SLC25A48: variants seen among roughly 807,000 people sequenced by gnomAD.
The protein encoded by SLC25A48 is CTC-321K16.1.
A neutral mutation model predicts 32.2 loss-of-function variants in SLC25A48; 29 were observed. The observed-to-expected ratio is 0.90, with a 90% CI of 0.67 to 1.23. The LOEUF is 1.23. Ranked by LOEUF, SLC25A48 falls within the 50% of genes most tolerant of loss-of-function variation. The probability of loss-of-function intolerance (pLI) is 0.00; values close to 1 mark genes in which losing one functional copy is unlikely to be tolerated. For missense variants in SLC25A48, 399 were observed against 422.7 expected (o/e 0.94, Z 0.49); for synonymous variants, 164 against 172.3 (o/e 0.95, Z 0.38).
At chr5:135,874,703 G>T (rs1157534516) in intron 6 of SLC25A48, 3 of 702,398 alleles carry the variant, frequency 4.3e-6, no homozygotes, top group Non-Finnish European at 7.8e-6. Flanking sequence ...TGTCTCCTCT[G>T]TTCTTCCTAC....
chr5:135,797,207 C>T (rs1203419692), intron 3 of SLC25A48, among the ~76,000 whole-genome samples: 2 of 151,804 alleles, frequency 1.3e-5, no homozygotes, highest in Non-Finnish European at 2.9e-5. Context: ...GGGTGTACAC[C>T]CCCATGTGAT....
Position 135,746,816 on chromosome 5 carries a change from A to T in SLC25A48, c.-520-65707A>T, listed in dbSNP as rs1755652213. On this transcript the variant is annotated intron_variant, in intron 3 of 10. Coordinates refer to the SLC25A48 transcript ENST00000646290. Reference sequence around the variant, plus strand: ...CTAGATTCACTCATTGCCTGGAGTTACGTCTCTTTGGTCTCCTTTAATTCA... The same window carrying T: ...CTAGATTCACTCATTGCCTGGAGTTTCGTCTCTTTGGTCTCCTTTAATTCA... 2.6e-5 allele frequency among the ~76,000 whole-genome samples: 4 copies of T among 152,262 alleles called. No homozygotes were observed. The South Asian group carries it at 8.3e-4, about 32-fold the overall frequency.
chr5:135,852,449 C>A, intron 3 of SLC25A48, 114 bp from the exon 4 acceptor site: 6 of 1,315,634 alleles, frequency 4.6e-6, no homozygotes, highest in Non-Finnish European at 6.3e-6. Context: ...ACCCTCTTCC[C>A]CTCTCTTCAT....
In SLC25A48 at chr5:135,852,918, G is replaced by A; in HGVS notation, c.421+97G>A. Reference sequence around the variant, plus strand: ...ATGGTTGTTAAAATCCTTTTATTGAGCAAGGCATCTACCTTGTCACCTAGT... The same window carrying A: ...ATGGTTGTTAAAATCCTTTTATTGAACAAGGCATCTACCTTGTCACCTAGT... On this transcript the variant is annotated intron_variant, in intron 4 of 7. Transcript: ENST00000681962. 2.1e-6 allele frequency: 3 copies of A among 1,454,738 alleles called. No individual in the cohort carries two copies. The Admixed American group carries it at 7.4e-5, about 36-fold the overall frequency. 90.1% of individuals were successfully genotyped at this position (1,454,738 alleles called of 1,614,324 possible).
At chr5:135,813,351 TC>T (rs1265420205) in intron 4 of SLC25A48, among the ~76,000 whole-genome samples, 4 of 152,094 alleles carry the variant, frequency 2.6e-5, no homozygotes, top group African/African-American at 7.2e-5. Context: ...GCGGTAGTTG[TC>T]CACAGTCAGA....
intron 3 of SLC25A48, among the ~76,000 whole-genome samples, chr5:135,681,229 C>G (rs963259639): frequency 6.6e-6 from 1 of 152,226 alleles, no homozygotes; most frequent in African/African-American, 2.4e-5. Context: ...CCACCTCGGC[C>G]TCCCAAAGTG....
At chr5:135,682,321 G>T (rs574604302) in intron 3 of SLC25A48, among the ~76,000 whole-genome samples, 1 of 152,184 alleles carries the variant, frequency 6.6e-6, no homozygotes, top group Admixed American at 6.5e-5. Context: ...TGTTGCTTAG[G>T]GTAGGAGGGT....
intron 3 of SLC25A48, among the ~76,000 whole-genome samples, chr5:135,755,013 T>C (rs923891247): frequency 6.6e-6 from 1 of 152,254 alleles, no homozygotes; most frequent in East Asian, 1.9e-4. Flanking sequence ...GAAATATTGC[T>C]CTGATATTGA....
chr5:135,648,874 G>A (rs1175454638), intron 3 of SLC25A48: 1 of 152,304 alleles, frequency 6.6e-6, no homozygotes, highest in Non-Finnish European at 1.5e-5. Context: ...GGCAGGAGAA[G>A]ACAAGGCACT....
chr5:135,665,765 G>GAA lies in SLC25A48; in HGVS notation c.-521+30819_-521+30820dup, dbSNP rs10648621. Among the ~76,000 whole-genome samples the GAA allele has an allele frequency of 6.3e-3, 935 of 148,074 alleles. 4 individuals carry two copies. Among genetic ancestry groups the GAA allele is most frequent in the Middle Eastern group, 0.017 (5 of 286 alleles). ...CTTAAACACTCTTGTTATTCTTTTT[G>GAA]AAAAAAAAAAATCAGATTCATCCTT... On this transcript the variant is annotated intron_variant, in intron 3 of 10. Coordinates refer to the SLC25A48 transcript ENST00000646290.
intron 3 of SLC25A48, among the ~76,000 whole-genome samples, chr5:135,642,139 C>T (rs763304759): frequency 4.6e-5 from 7 of 152,210 alleles, no homozygotes; most frequent in Admixed American, 1.3e-4. Context: ...TTTGGACCTT[C>T]GCACGCTTGG....
chr5:135,837,576 T>A (rs1758640757), intron 1 of SLC25A48, among the ~76,000 whole-genome samples: 1 of 152,212 alleles, frequency 6.6e-6, no homozygotes, highest in African/African-American at 2.4e-5. Flanking sequence ...CCACATGTCA[T>A]GGGAGGGACC....
At chr5:135,732,579 GAGAAGTGATTTCCTTA>G (rs1431847227) in intron 3 of SLC25A48, among the ~76,000 whole-genome samples, 2 of 152,206 alleles carry the variant, frequency 1.3e-5, no homozygotes, top group Non-Finnish European at 2.9e-5. Flanking sequence ...ATGGAACACT[GAGAAGTGATTTCCTTA>G]AGGATAGATT....
chr5:135,611,496 C>CAAAAAAAAAAAA lies in SLC25A48; in HGVS notation c.-848-17721_-848-17710dup, dbSNP rs57138043. The stretch of plus-strand genomic sequence containing the variant: ...TCGGTGACAGAGCGAGACTCCATCT[C>CAAAAAAAAAAAA]AAAAAAAAAAAAAAAAAAAAAAAAA... On this transcript the variant is annotated intron_variant, in intron 1 of 10. Coordinates refer to the SLC25A48 transcript ENST00000646290. Among the ~76,000 whole-genome samples the CAAAAAAAAAAAA allele has an allele frequency of 5.1e-3, 109 of 21,342 alleles. 6 individuals carry two copies. Among genetic ancestry groups the CAAAAAAAAAAAA allele is most frequent in the Non-Finnish European group, 6.2e-3 (76 of 12,266 alleles). 14.0% of individuals were successfully genotyped at this position (21,342 alleles called of 152,430 possible). A position where few individuals can be genotyped will look rare whatever the true frequency, so the allele number is the denominator to read the frequency against.
intron 1 of SLC25A48, among the ~76,000 whole-genome samples, chr5:135,616,717 A>G (rs1752199586): frequency 6.6e-6 from 1 of 152,184 alleles, no homozygotes; most frequent in East Asian, 1.9e-4. Flanking sequence ...AGAACTGTTG[A>G]AAAGGGATTA....
intron 1 of SLC25A48, among the ~76,000 whole-genome samples, chr5:135,608,494 G>A (rs978713824): frequency 6.6e-6 from 1 of 152,220 alleles, no homozygotes; most frequent in Non-Finnish European, 1.5e-5. Context: ...CTCCAGGTGA[G>A]CCAGCCAATG....
intron 3 of SLC25A48, among the ~76,000 whole-genome samples, chr5:135,654,227 G>T (rs747156957): frequency 5.9e-5 from 9 of 152,222 alleles, no homozygotes; most frequent in Admixed American, 2.0e-4. Context: ...ATGGCATCAT[G>T]TATTGGTTGC....
At chr5:135,591,185 C>T (rs1355440657) in intron 1 of SLC25A48, among the ~76,000 whole-genome samples, 1 of 152,234 alleles carries the variant, frequency 6.6e-6, no homozygotes, top group Non-Finnish European at 1.5e-5. Context: ...AAATGCAAAG[C>T]ATCGGAGGTC....
intron 3 of SLC25A48, among the ~76,000 whole-genome samples, chr5:135,767,630 C>T (rs1394767127): frequency 6.6e-6 from 1 of 151,756 alleles, no homozygotes; most frequent in African/African-American, 2.4e-5. Flanking sequence ...TGTACACCCG[C>T]CAGTAATATT....
Sources: allele counts gnomAD v4.1 joint callset (sites outside exome capture counted in the v4.1 genomes callset), GRCh38; gene constraint gnomAD v4.1.1; transcripts MANE v1.5; gene names NCBI Gene and HGNC (gene_info 2026-07-23, HGNC 2026-07-21).